The following CDH13 variants were observed in gnomAD, a reference collection of about 807,000 sequenced individuals.
CDH13 encodes cadherin-13.
A neutral mutation model predicts 63.8 loss-of-function variants in CDH13; 24 were observed. That is an observed-to-expected ratio of 0.38 (90% CI 0.27 to 0.53). The LOEUF (loss-of-function observed/expected upper bound fraction) is 0.53. Among genes scored for constraint, CDH13 ranks in the 20% least tolerant of loss-of-function variants. The probability of loss-of-function intolerance (pLI) is 0.85; values close to 1 mark genes in which losing one functional copy is unlikely to be tolerated. For synonymous variants in CDH13, 503 were observed against 355.3 expected (o/e 1.42, Z -4.67); for missense variants, 1,049 against 903.1 (o/e 1.16, Z -2.07).
intron 7 of CDH13, among the ~76,000 whole-genome samples, chr16:83,502,381 A>G (rs1286867117): frequency 1.3e-5 from 2 of 151,894 alleles, no homozygotes; most frequent in Non-Finnish European, 2.9e-5. Flanking sequence ...TCTGGCATCT[A>G]AAACAAAAAA....
intron 10 of CDH13, among the ~76,000 whole-genome samples, chr16:83,682,511 G>A (rs955491091): frequency 9.2e-5 from 14 of 152,138 alleles, no homozygotes; most frequent in Non-Finnish European, 1.9e-4. Context: ...GGGGAAAGTC[G>A]CCACTGAAGA....
intron 7 of CDH13, among the ~76,000 whole-genome samples, chr16:83,511,612 T>C (rs376612010): frequency 2.0e-5 from 3 of 152,326 alleles, no homozygotes; most frequent in South Asian, 4.1e-4. Context: ...TACAAACATA[T>C]TTATTATGCT....
intron 11 of CDH13, among the ~76,000 whole-genome samples, chr16:83,763,525 A>G (rs1482941832): frequency 1.3e-5 from 2 of 152,230 alleles, no homozygotes; most frequent in Non-Finnish European, 2.9e-5. Flanking sequence ...AAGATACCTC[A>G]GCCTGTGGTC....
chr16:82,984,850 T>C (rs1014421919), intron 2 of CDH13, among the ~76,000 whole-genome samples: 4 of 152,208 alleles, frequency 2.6e-5, no homozygotes, highest in Non-Finnish European at 5.9e-5. Flanking sequence ...GAACACACTA[T>C]GTGCTCCATA....
intron 1 of CDH13, among the ~76,000 whole-genome samples, chr16:82,668,513 G>A (rs979438125): frequency 4.6e-5 from 7 of 152,070 alleles, no homozygotes; most frequent in Non-Finnish European, 7.4e-5. Context: ...TTAGGGCAAT[G>A]TTTTTTTGTT....
chr16:83,181,267 C>G (rs549258778), intron 4 of CDH13, among the ~76,000 whole-genome samples: 5 of 152,268 alleles, frequency 3.3e-5, no homozygotes, highest in African/African-American at 1.2e-4. Flanking sequence ...CAACGTGTCC[C>G]AACTTGACTA....
intron 7 of CDH13, among the ~76,000 whole-genome samples, chr16:83,588,150 G>A (rs1030074831): frequency 6.6e-6 from 1 of 152,154 alleles, no homozygotes; most frequent in African/African-American, 2.4e-5. Flanking sequence ...AGCAGCCACA[G>A]CCTCCCTCTG....
chr16:83,415,924 A>C (rs2151463417), intron 6 of CDH13, among the ~76,000 whole-genome samples: 1 of 152,326 alleles, frequency 6.6e-6, no homozygotes, highest in East Asian at 1.9e-4. Flanking sequence ...CAAGAAATAG[A>C]AACAAAAGGG....
chr16:83,621,594 C>A (rs992509191), intron 8 of CDH13, among the ~76,000 whole-genome samples: 6 of 143,490 alleles, frequency 4.2e-5, no homozygotes, highest in African/African-American at 1.6e-4. Flanking sequence ...TCAAGCGATT[C>A]TCCTGCCTCA....
intron 6 of CDH13, among the ~76,000 whole-genome samples, chr16:83,431,091 G>C (rs1465386122): frequency 2.0e-5 from 3 of 151,464 alleles, no homozygotes; most frequent in South Asian, 2.1e-4. Context: ...TCTTGCGATA[G>C]TTTACTGAGA....
At chr16:83,678,182 C>G in intron 9 of CDH13, 26 bp from the exon 10 acceptor site, 1 of 1,594,852 alleles carries the variant, frequency 6.3e-7, no homozygotes, top group Non-Finnish European at 8.6e-7. Flanking sequence ...GGTGTGCATC[C>G]TGAGACCCTT....
Position 83,474,989 on chromosome 16 carries a change from G to T in CDH13, c.782-11488G>T, listed in dbSNP as rs552066386. On this transcript the variant is annotated intron_variant, in intron 6 of 13. Coordinates refer to ENST00000567109, the MANE Select transcript of CDH13 (RefSeq NM_001257.5). ...GCAGCTGAGTATAGGCACTGAGGCC[G>T]AGACACTGAGTGTCCAGGTGACCCC... is the stretch of plus-strand genomic sequence containing the variant. Among the ~76,000 whole-genome samples, 3 of 152,370 alleles carry T rather than the reference G, an allele frequency of 2.0e-5. No individual in the cohort carries two copies. The South Asian group carries it at 6.2e-4, about 32-fold the overall frequency.
intron 1 of CDH13, among the ~76,000 whole-genome samples, chr16:82,664,971 C>T (rs1912417165): frequency 6.6e-6 from 1 of 152,022 alleles, no homozygotes; most frequent in Non-Finnish European, 1.5e-5. Context: ...TGTGAATTTG[C>T]CTACTCAGTA....
In CDH13 at chr16:83,652,037, T is replaced by A. The variant is rs572967719; in HGVS notation, c.1102-18753T>A. Among the ~76,000 whole-genome samples the A allele has an allele frequency of 5.7e-4, 87 of 152,322 alleles. 3 individuals are homozygous for A. The South Asian group carries it at 0.016, about 28-fold the overall frequency. ...ATCCTCCTTATCTCATTGAGCCTGA[T>A]TCCCAAGGGAACGATTCTCATCCAT... On this transcript the variant is annotated intron_variant, in intron 8 of 13. Coordinates refer to ENST00000567109, the MANE Select transcript of CDH13 (RefSeq NM_001257.5).
intron 6 of CDH13, among the ~76,000 whole-genome samples, chr16:83,432,766 C>G (rs1410293427): frequency 1.3e-5 from 2 of 152,142 alleles, no homozygotes; most frequent in East Asian, 1.9e-4. Context: ...TGAGATGCAT[C>G]TTGCACACAG....
At chr16:82,896,309 T>G (rs1263839618) in intron 2 of CDH13, among the ~76,000 whole-genome samples, 1 of 105,282 alleles carries the variant, frequency 9.5e-6, no homozygotes, top group African/African-American at 3.3e-5. Context: ...TTTTTTTTTT[T>G]GAAACAAGGT....
intron 1 of CDH13, among the ~76,000 whole-genome samples, chr16:82,677,487 C>T (rs560958195): frequency 2.1e-5 from 3 of 142,456 alleles, no homozygotes; most frequent in African/African-American, 7.9e-5. Context: ...TTATGAAATC[C>T]CCACTGCTGA....
At chr16:82,858,523 T>G in intron 2 of CDH13, 50 bp downstream of exon 2, 2 of 1,080,034 alleles carry the variant, frequency 1.9e-6, no homozygotes, top group Non-Finnish European at 2.9e-6. Context: ...ATATTTGAAT[T>G]TACTAATGTT....
intron 10 of CDH13, among the ~76,000 whole-genome samples, chr16:83,691,282 G>C (rs1187075742): frequency 1.3e-5 from 2 of 152,136 alleles, no homozygotes; most frequent in African/African-American, 2.4e-5. Flanking sequence ...TGTTGAGTTT[G>C]AGGTAGACAA....
Sources: allele counts gnomAD v4.1 joint callset (sites outside exome capture counted in the v4.1 genomes callset), GRCh38; gene constraint gnomAD v4.1.1; transcripts MANE v1.5; gene names NCBI Gene and HGNC (gene_info 2026-07-23, HGNC 2026-07-21).